The following FLYWCH2 variants were observed in gnomAD, a reference collection of about 807,000 sequenced individuals.
The protein encoded by FLYWCH2 is FLYWCH family member 2.
Under a neutral mutation model 6.0 loss-of-function variants are expected in FLYWCH2, and 2 were observed. The ratio of observed to expected loss-of-function variants is 0.33; its 90% CI spans 0.14 to 1.04. The LOEUF is 1.04. Ranked by LOEUF, FLYWCH2 falls within the 50% of genes least tolerant of loss-of-function variation. The pLI is 0.45. For missense variants in FLYWCH2, 192 were observed against 183.4 expected (o/e 1.05, Z -0.27); for synonymous variants, 87 against 79.3 (o/e 1.10, Z -0.52).
At chr16:2,897,583 G>C (rs1223260567) in intron 3 of FLYWCH2, among the ~76,000 whole-genome samples, 1 of 152,224 alleles carries the variant, frequency 6.6e-6, no homozygotes, top group African/African-American at 2.4e-5. Context: ...GCTAGACTTG[G>C]GGAACATAGT....
At chr16:2,893,019 T>TACAC (rs144253671) in intron 1 of FLYWCH2, among the ~76,000 whole-genome samples, 21,355 of 145,954 alleles carry the variant, frequency 0.15, 1,748 homozygotes, top group Middle Eastern at 0.19. Context: ...TTTATATATA[T>TACAC]ACACACACAC....
chr16:2,888,019 T>A (rs568555955), intron 1 of FLYWCH2, among the ~76,000 whole-genome samples: 1 of 151,966 alleles, frequency 6.6e-6, no homozygotes, highest in South Asian at 2.1e-4. Context: ...TGTTTGTTTG[T>A]TTTTTAAGAG....
At chr16:2,897,161 C>T (rs1328185574) in intron 3 of FLYWCH2, among the ~76,000 whole-genome samples, 1 of 152,166 alleles carries the variant, frequency 6.6e-6, no homozygotes, top group African/African-American at 2.4e-5. Flanking sequence ...TTCTAGAAAG[C>T]TTCTTTGGTC....
intron 1 of FLYWCH2, among the ~76,000 whole-genome samples, chr16:2,890,259 GT>G (rs1333782127): frequency 4.7e-5 from 7 of 149,870 alleles, no homozygotes. Context: ...TTGTTTTTTG[GT>G]TTTTTTGAGT....
chr16:2,885,985 C>T (rs542443911), intron 1 of FLYWCH2, among the ~76,000 whole-genome samples: 1 of 152,290 alleles, frequency 6.6e-6, no homozygotes, highest in South Asian at 2.1e-4. Context: ...CTCATCCTCA[C>T]CAGCACTTGC....
At chr16:2,894,647 A>G (rs1172032678) in intron 1 of FLYWCH2, among the ~76,000 whole-genome samples, 1 of 152,116 alleles carries the variant, frequency 6.6e-6, no homozygotes, top group Non-Finnish European at 1.5e-5. Context: ...TCCCTGCGGT[A>G]CTCTGCAGTC....
intron 1 of FLYWCH2, among the ~76,000 whole-genome samples, chr16:2,888,832 C>T (rs1567303386): frequency 6.6e-6 from 1 of 152,068 alleles, no homozygotes; most frequent in Non-Finnish European, 1.5e-5. Context: ...TATTTCTCTG[C>T]AGCTTCATGA....
intron 1 of FLYWCH2, among the ~76,000 whole-genome samples, chr16:2,891,490 C>T (rs1009116562): frequency 6.6e-6 from 1 of 152,036 alleles, no homozygotes; most frequent in African/African-American, 2.4e-5. Context: ...CTGCAAGCTC[C>T]GCCTCCCGGG....
In FLYWCH2 at chr16:2,896,590, C is replaced by T. The variant is rs779263934; in HGVS notation, c.141C>T (p.Ala47=). Residue 47 remains alanine, a synonymous_variant, in exon 3 of 4, where the codon GCC becomes GCT. Transcript: ENST00000396958. ...TCTCCAAACTGGTCCTGCTCACAGCCTCCAAAGACAGCACCAAGGTGGCGG... is the reference window on the plus strand; with the variant it reads ...TCTCCAAACTGGTCCTGCTCACAGCTTCCAAAGACAGCACCAAGGTGGCGG... ...RKFSKLVLLT[A]SKDSTKVAGA... is the part of the protein sequence containing the mutation. 1.9e-6 allele frequency: 3 copies of T among 1,614,188 alleles called. No homozygotes were observed. The highest frequency in any genetic ancestry group is 2.2e-5 in the East Asian group (1 of 44,882).
chr16:2,883,718 C>G (rs1400880757), intron 1 of FLYWCH2, among the ~76,000 whole-genome samples: 1 of 152,176 alleles, frequency 6.6e-6, no homozygotes, highest in Non-Finnish European at 1.5e-5. Flanking sequence ...CCTGCAGGGA[C>G]GGCAGCGAGT....
intron 1 of FLYWCH2, among the ~76,000 whole-genome samples, chr16:2,891,476 C>G (rs1050425439): frequency 6.6e-6 from 1 of 152,044 alleles, no homozygotes; most frequent in African/African-American, 2.4e-5. Context: ...GCGATATCGG[C>G]TCACTGCAAG....
intron 1 of FLYWCH2, among the ~76,000 whole-genome samples, chr16:2,891,110 G>C (rs2069752115): frequency 6.6e-6 from 1 of 152,300 alleles, no homozygotes; most frequent in East Asian, 1.9e-4. Flanking sequence ...TCAGCTCTGA[G>C]GATCAGTTTT....
At position 2,896,798 on chromosome 16, in the gene FLYWCH2, A is replaced by G. The variant is rs776250036; in HGVS notation, c.322+27A>G. The G allele has an allele frequency of 5.7e-6, 9 of 1,592,314 alleles. No homozygotes were observed. In the East Asian group the frequency reaches 2.0e-4, roughly 36 times the overall value. On this transcript the variant is annotated intron_variant, in intron 3 of 3. Transcript: ENST00000396958. The stretch of plus-strand genomic sequence containing the variant: ...TGAGGCTCCACAGCGGCCCCCCAGG[A>G]CAGCTCGGCACCTCCCAGGGTGGCC...
chr16:2,899,232 G>A lies in FLYWCH2; in HGVS notation c.*83G>A. On this transcript the variant is annotated 3_prime_UTR_variant, in exon 4 of 4. Transcript: ENST00000396958. ...CCGCAGGGCTTCTGGGGCCAAATGG[G>A]TGAATCTTTGCTTTTAACATTGTGT... 1.3e-6 allele frequency: 1 copy of A among 785,050 alleles called. No homozygotes were observed. The highest frequency in any genetic ancestry group is 2.0e-6 in the Non-Finnish European group (1 of 511,574). 48.6% of individuals were successfully genotyped at this position (785,050 alleles called of 1,614,324 possible).
chr16:2,885,004 C>T (rs1250803852), intron 1 of FLYWCH2, among the ~76,000 whole-genome samples: 4 of 152,050 alleles, frequency 2.6e-5, no homozygotes, highest in Non-Finnish European at 2.9e-5. Context: ...AGATAATTCA[C>T]ATACCGTGCA....
intron 2 of FLYWCH2, among the ~76,000 whole-genome samples, chr16:2,895,591 G>T (rs1214427052): frequency 6.6e-6 from 1 of 152,208 alleles, no homozygotes; most frequent in Non-Finnish European, 1.5e-5. Context: ...CTCCAGCCTG[G>T]GCGACAGAGC....
chr16:2,890,203 T>A (rs2069739834), intron 1 of FLYWCH2, among the ~76,000 whole-genome samples: 1 of 150,342 alleles, frequency 6.7e-6, no homozygotes, highest in Non-Finnish European at 1.5e-5. Context: ...CATTTTTGTG[T>A]GCGTGTGTGT....
At chr16:2,899,024 C>A in intron 3 of FLYWCH2, 25 bp from the exon 4 acceptor site, 1 of 1,593,574 alleles carries the variant, frequency 6.3e-7, no homozygotes, top group Non-Finnish European at 8.6e-7. Flanking sequence ...TTGACACCAG[C>A]CTGATCCACC....
intron 1 of FLYWCH2, among the ~76,000 whole-genome samples, chr16:2,892,291 T>G (rs1168607258): frequency 1.3e-5 from 2 of 149,358 alleles, no homozygotes; most frequent in African/African-American, 5.0e-5. Flanking sequence ...GGTCAGGAGT[T>G]CGAGACCAGC....
Sources: allele counts gnomAD v4.1 joint callset (sites outside exome capture counted in the v4.1 genomes callset), GRCh38; gene constraint gnomAD v4.1.1; transcripts MANE v1.5; gene names NCBI Gene and HGNC (gene_info 2026-07-23, HGNC 2026-07-21).